CDKAL1: variants seen among roughly 807,000 people sequenced by gnomAD.
CDKAL1 encodes the protein CDKAL1 threonylcarbamoyladenosine tRNA methylthiotransferase, also known as threonylcarbamoyladenosine tRNA methylthiotransferase.
In CDKAL1, 32 loss-of-function variants were observed where a neutral mutation model predicts 68.2. The observed-to-expected ratio is 0.47, with a 90% CI of 0.35 to 0.63. The LOEUF (loss-of-function observed/expected upper bound fraction) is 0.63. Ranked by LOEUF, CDKAL1 falls within the 30% of genes least tolerant of loss-of-function variation. The pLI is 0.00. For missense variants in CDKAL1, 606 were observed against 696.7 expected (o/e 0.87, Z 1.47); for synonymous variants, 234 against 244.3 (o/e 0.96, Z 0.39).
chr6:20,756,992 G>A (rs1774244281), intron 6 of CDKAL1, among the ~76,000 whole-genome samples: 1 of 149,076 alleles, frequency 6.7e-6, no homozygotes, highest in Non-Finnish European at 1.5e-5. Flanking sequence ...TGAGTGCAGT[G>A]GTGTGATCTC....
chr6:20,735,526 C>T (rs893227904), intron 5 of CDKAL1, among the ~76,000 whole-genome samples: 4 of 152,236 alleles, frequency 2.6e-5, no homozygotes, highest in South Asian at 4.1e-4. Context: ...CACTGGGCTC[C>T]TCCCGTGATA....
chr6:20,863,056 T>C (rs1759729150), intron 9 of CDKAL1, among the ~76,000 whole-genome samples: 1 of 152,158 alleles, frequency 6.6e-6, no homozygotes, highest in Non-Finnish European at 1.5e-5. Context: ...AACACTGGAC[T>C]ATATGCATAT....
intron 7 of CDKAL1, among the ~76,000 whole-genome samples, chr6:20,771,459 A>G (rs1419260077): frequency 6.6e-6 from 1 of 152,154 alleles, no homozygotes; most frequent in Non-Finnish European, 1.5e-5. Context: ...TTTAAGATAC[A>G]TAGATGGGAA....
At chr6:20,875,935 A>G (rs574936948) in intron 9 of CDKAL1, among the ~76,000 whole-genome samples, 1 of 152,380 alleles carries the variant, frequency 6.6e-6, no homozygotes, top group South Asian at 2.1e-4. Context: ...CTGTGGGAAC[A>G]TAGGACTAAT....
intron 12 of CDKAL1, among the ~76,000 whole-genome samples, chr6:21,084,480 G>A (rs1772588595): frequency 6.6e-6 from 1 of 152,062 alleles, no homozygotes; most frequent in African/African-American, 2.4e-5. Flanking sequence ...TAGTTTTTAG[G>A]GGGAATTCGT....
intron 4 of CDKAL1, among the ~76,000 whole-genome samples, chr6:20,629,120 G>T (rs1456197890): frequency 1.3e-5 from 2 of 152,128 alleles, no homozygotes; most frequent in African/African-American, 4.8e-5. Flanking sequence ...CTTTAATCTG[G>T]ACTAGTTTCT....
chr6:20,645,891 C>G (rs930275163), intron 4 of CDKAL1, among the ~76,000 whole-genome samples: 2 of 151,526 alleles, frequency 1.3e-5, no homozygotes, highest in Non-Finnish European at 2.9e-5. Context: ...GCAGGATCAT[C>G]AATATTACTG....
chr6:21,055,772 T>C (rs545815078), intron 11 of CDKAL1, among the ~76,000 whole-genome samples: 112 of 152,358 alleles, frequency 7.4e-4, no homozygotes, highest in Non-Finnish European at 1.3e-3. Flanking sequence ...AGTCTATCAT[T>C]GATGGGCATT....
At chr6:20,909,783 A>C (rs2150619850) in intron 9 of CDKAL1, among the ~76,000 whole-genome samples, 1 of 152,244 alleles carries the variant, frequency 6.6e-6, no homozygotes, top group South Asian at 2.1e-4. Flanking sequence ...GGCCTCAGGT[A>C]GTGTTAAAGA....
intron 4 of CDKAL1, among the ~76,000 whole-genome samples, chr6:20,613,741 A>G (rs1766758375): frequency 1.3e-5 from 2 of 151,356 alleles, no homozygotes; most frequent in South Asian, 4.2e-4. Context: ...GCTTTTGCTA[A>G]TAACAAAACT....
rs73377342 is a variant in CDKAL1, at chr6:20,712,590, A to G, written c.372-26929A>G. ...CACCTAATCAGAGGTAAGCACCATTATCTGTATGTATAACAACTAATGTTC... is the reference window on the plus strand; with the variant it reads ...CACCTAATCAGAGGTAAGCACCATTGTCTGTATGTATAACAACTAATGTTC... On this transcript the variant is annotated intron_variant, in intron 5 of 15. Transcript: ENST00000274695. Among the ~76,000 whole-genome samples the G allele has an allele frequency of 9.2e-3, 1,400 of 152,230 alleles. 22 individuals carry two copies. The highest frequency in any genetic ancestry group is 0.032 in the African/African-American group (1,336 of 41,548).
At chr6:21,154,586 A>G (rs1181112326) in intron 13 of CDKAL1, among the ~76,000 whole-genome samples, 1 of 152,214 alleles carries the variant, frequency 6.6e-6, no homozygotes, top group Non-Finnish European at 1.5e-5. Context: ...ATAATGTTAA[A>G]TGTTTTAATC....
At chr6:21,172,087 C>G (rs1003943993) in intron 13 of CDKAL1, among the ~76,000 whole-genome samples, 1 of 152,138 alleles carries the variant, frequency 6.6e-6, no homozygotes, top group Non-Finnish European at 1.5e-5. Context: ...TTTAAGGGAA[C>G]ATGGACAGTC....
chr6:20,679,768 C>T (rs886619112), intron 5 of CDKAL1, among the ~76,000 whole-genome samples: 1 of 152,018 alleles, frequency 6.6e-6, no homozygotes, highest in Admixed American at 6.6e-5. Context: ...TATTTGCCTT[C>T]GTTCATTATT....
At chr6:21,132,165 C>A in intron 13 of CDKAL1, among the ~76,000 whole-genome samples, 1 of 152,054 alleles carries the variant, frequency 6.6e-6, no homozygotes, top group South Asian at 2.1e-4. Context: ...AGGAAATAAT[C>A]TTAGAGACAG....
chr6:20,875,754 T>G (rs1760481557), intron 9 of CDKAL1, among the ~76,000 whole-genome samples: 1 of 152,198 alleles, frequency 6.6e-6, no homozygotes. Context: ...TTACTAAACA[T>G]GGCAATTGTG....
chr6:20,687,112 C>CT (rs1327407261), intron 5 of CDKAL1, among the ~76,000 whole-genome samples: 2 of 152,010 alleles, frequency 1.3e-5, no homozygotes, highest in Non-Finnish European at 2.9e-5. Context: ...GATTTTATAT[C>CT]TATGTTCATG....
intron 8 of CDKAL1, among the ~76,000 whole-genome samples, chr6:20,829,148 A>G (rs181778631): frequency 6.6e-6 from 1 of 152,362 alleles, no homozygotes; most frequent in East Asian, 1.9e-4. Flanking sequence ...GATCATTACT[A>G]TACAAATATC....
At chr6:21,040,125 A>T (rs1769837976) in intron 11 of CDKAL1, among the ~76,000 whole-genome samples, 1 of 152,166 alleles carries the variant, frequency 6.6e-6, no homozygotes, top group South Asian at 2.1e-4. Flanking sequence ...CTTGCTCTGA[A>T]TTTATGCATG....
Sources: allele counts gnomAD v4.1 joint callset (sites outside exome capture counted in the v4.1 genomes callset), GRCh38; gene constraint gnomAD v4.1.1; transcripts MANE v1.5; gene names NCBI Gene and HGNC (gene_info 2026-07-23, HGNC 2026-07-21).